CCPG1: variants seen among roughly 807,000 people sequenced by gnomAD.
The protein encoded by CCPG1 is cell cycle progression protein 1.
Under a neutral mutation model 81.3 loss-of-function variants are expected in CCPG1, and 46 were observed. That is an observed-to-expected ratio of 0.57 (90% CI 0.45 to 0.72). The LOEUF is 0.72. Ranked by LOEUF, CCPG1 falls within the 30% of genes least tolerant of loss-of-function variation. The pLI is 0.00. For synonymous variants in CCPG1, 330 were observed against 305.2 expected, an observed-to-expected ratio of 1.08 and a Z score of -0.85; for missense variants, 902 against 937.6, an observed-to-expected ratio of 0.96 and a Z score of 0.50.
chr15:55,360,181 G>C lies in CCPG1; in HGVS notation c.1592C>G (p.Ser531Cys), dbSNP rs777588971. The C allele has an allele frequency of 1.2e-6, 2 of 1,613,142 alleles. No homozygotes were observed. Among genetic ancestry groups the C allele is most frequent in the Non-Finnish European group, 1.7e-6 (2 of 1,179,784 alleles). ...GGTATCTTTAAAGTGTCTGAAAGTG[G>C]ATTTAACTGAATCTGAGAATTTTTT... ...NLKKFSDSVKSTFRHFKDTTK... is the reference protein window; with the variant it reads ...NLKKFSDSVKCTFRHFKDTTK... The change falls in exon 8 of 9, where the codon TCC becomes TGC. Residue 531 changes from serine to cysteine, a missense_variant. Transcript: ENST00000442196.
At chr15:55,357,493 G>A (rs2056105935) in intron 8 of CCPG1, 3 of 926,042 alleles carry the variant, frequency 3.2e-6, no homozygotes, top group African/African-American at 3.6e-5. Flanking sequence ...CTGTGATTGA[G>A]GTTTCCGTTA....
intron 5 of CCPG1, chr15:55,372,956 G>A (rs756600789): frequency 2.6e-5 from 14 of 534,434 alleles, no homozygotes; most frequent in Admixed American, 7.8e-5. Flanking sequence ...CCTTCCCTTC[G>A]ACTGCCACTC....
chr15:55,403,230 T>C (rs2057159177), intron 1 of CCPG1, among the ~76,000 whole-genome samples: 1 of 152,204 alleles, frequency 6.6e-6, no homozygotes, highest in Non-Finnish European at 1.5e-5. Flanking sequence ...CTTGCTATTA[T>C]TTACAAATTC....
intron 3 of CCPG1, among the ~76,000 whole-genome samples, chr15:55,378,905 T>A (rs2056620866): frequency 6.6e-6 from 1 of 152,084 alleles, no homozygotes; most frequent in Admixed American, 6.6e-5. Context: ...CCACAAGATT[T>A]ATTAAGAACT....
chr15:55,355,814 T>C lies in CCPG1; in HGVS notation c.*406A>G, dbSNP rs2056067482. ...GTGTAAGATTATAAAATGTTAATGA[T>C]GAAATTCCAGAACAATGTACTTTTC... On this transcript the variant is annotated 3_prime_UTR_variant, in exon 9 of 9. Transcript: ENST00000442196. The C allele has an allele frequency of 8.9e-6, 2 of 223,720 alleles. No individual in the cohort carries two copies. The highest frequency in any genetic ancestry group is 1.7e-5 in the Non-Finnish European group (2 of 116,062). The allele number at this position is 223,720 out of a possible 1,614,324, so 13.9% of individuals were successfully genotyped here. A position where few individuals can be genotyped will look rare whatever the true frequency, so the allele number is the denominator to read the frequency against.
intron 1 of CCPG1, among the ~76,000 whole-genome samples, chr15:55,400,280 G>A (rs2057103956): frequency 1.4e-5 from 2 of 146,160 alleles, no homozygotes; most frequent in African/African-American, 5.1e-5. Context: ...GGAGGCCGAA[G>A]TGGGCGGATC....
Position 55,389,404 on chromosome 15 carries a change from G to A in CCPG1, c.21C>T (p.Asp7=). The A allele has an allele frequency of 6.2e-7, 1 of 1,611,430 alleles. No homozygotes were observed. The highest frequency in any genetic ancestry group is 8.5e-7 in the Non-Finnish European group (1 of 1,177,692). The change falls in exon 2 of 9, where the codon GAC becomes GAT. Residue 7 remains aspartate, a synonymous_variant. Transcript: ENST00000442196. MSENSS[D]SDSSCGWTVI... ...CAGTCCAACCACAAGATGAATCACT[G>A]TCACTGGAATTTTCAGACATCTTTC...
intron 3 of CCPG1, among the ~76,000 whole-genome samples, chr15:55,379,521 T>A (rs764865159): frequency 1.3e-4 from 20 of 151,856 alleles, no homozygotes; most frequent in Admixed American, 2.0e-4. Context: ...AGTGTGACTA[T>A]GTCTCAAAAA....
intron 6 of CCPG1, among the ~76,000 whole-genome samples, chr15:55,370,909 G>A (rs976707101): frequency 9.6e-5 from 14 of 146,092 alleles, no homozygotes; most frequent in African/African-American, 2.0e-4. Context: ...AAAAGACTTC[G>A]AGACCAGCCT....
intron 7 of CCPG1, among the ~76,000 whole-genome samples, chr15:55,361,695 ACT>A (rs2056201577): frequency 6.8e-6 from 1 of 147,134 alleles, no homozygotes; most frequent in South Asian, 2.1e-4. Flanking sequence ...ACAGAGCGAG[ACT>A]CTGTCTCAAA....
chr15:55,382,477 TACA>T (rs2056718413), intron 3 of CCPG1, among the ~76,000 whole-genome samples: 1 of 152,036 alleles, frequency 6.6e-6, no homozygotes. Context: ...ATCATGAGAT[TACA>T]ACAATTGGAT....
chr15:55,371,004 T>C (rs2056437011), intron 6 of CCPG1, among the ~76,000 whole-genome samples: 1 of 151,464 alleles, frequency 6.6e-6, no homozygotes, highest in Non-Finnish European at 1.5e-5. Context: ...TCCCAGTTAC[T>C]CCGGAGGCTG....
chr15:55,381,032 G>A (rs1163325452), intron 3 of CCPG1, among the ~76,000 whole-genome samples: 2 of 152,030 alleles, frequency 1.3e-5, no homozygotes, highest in East Asian at 3.9e-4. Context: ...AGCTACTTGG[G>A]AGGCTGAGGC....
chr15:55,376,478 C>T (rs1566973189), intron 5 of CCPG1, among the ~76,000 whole-genome samples: 1 of 152,152 alleles, frequency 6.6e-6, no homozygotes. Flanking sequence ...ATTGATAGCA[C>T]CTTGAACTCT....
At chr15:55,397,448 A>G (rs1595864948) in intron 1 of CCPG1, among the ~76,000 whole-genome samples, 1 of 152,318 alleles carries the variant, frequency 6.6e-6, no homozygotes, top group African/African-American at 2.4e-5. Flanking sequence ...GTTCATTTGC[A>G]TGGCTACTAT....
At chr15:55,381,813 T>TACTACAGATGC (rs1555408847) in intron 3 of CCPG1, among the ~76,000 whole-genome samples, 1 of 110,250 alleles carries the variant, frequency 9.1e-6, no homozygotes, top group East Asian at 2.5e-4. Context: ...GAAGTATACA[T>TACTACAGATGC]AATACAGATT....
At chr15:55,406,436 CTTT>C (rs143238270) in intron 1 of CCPG1, among the ~76,000 whole-genome samples, 13 of 126,282 alleles carry the variant, frequency 1.0e-4, no homozygotes, top group East Asian at 7.0e-4. Flanking sequence ...TTCTTTTTCT[CTTT>C]TTTTTTTTTT....
intron 7 of CCPG1, among the ~76,000 whole-genome samples, chr15:55,362,924 G>A (rs117798055): frequency 0.045 from 6,849 of 151,990 alleles, 229 homozygotes; most frequent in Non-Finnish European, 0.067. Flanking sequence ...GCTTGTGGTC[G>A]CAGCTACTTG....
At chr15:55,386,935 G>C (rs1050140917) in intron 2 of CCPG1, among the ~76,000 whole-genome samples, 3 of 151,816 alleles carry the variant, frequency 2.0e-5, no homozygotes, top group East Asian at 3.9e-4. Flanking sequence ...CGTTTAAGTT[G>C]AGCCCTAATG....
Sources: gnomAD v4.1 joint callset for allele counts (sites outside exome capture counted in the v4.1 genomes callset) on GRCh38, gnomAD v4.1.1 for gene constraint, MANE v1.5 for transcripts, NCBI Gene and HGNC (gene_info 2026-07-23, HGNC 2026-07-21) for gene names.